TOM1: variants seen among roughly 807,000 people sequenced by gnomAD.
TOM1 encodes target of Myb protein 1.
Under a neutral mutation model 61.3 loss-of-function variants are expected in TOM1, and 38 were observed. The ratio of observed to expected loss-of-function variants is 0.62; its 90% confidence interval spans 0.48 to 0.81. The LOEUF (loss-of-function observed/expected upper bound fraction) is 0.81, where lower values mean the gene tolerates loss of function less well. TOM1 is among the 40% of genes least tolerant of loss of function. The pLI is 0.00. For missense variants in TOM1, 591 were observed against 659.6 expected, an observed-to-expected ratio of 0.90 and a Z score of 1.14; for synonymous variants, 270 against 268.8, an observed-to-expected ratio of 1.00 and a Z score of -0.04.
At chr22:35,310,762 G>T (rs1440314121) in intron 1 of TOM1, among the ~76,000 whole-genome samples, 1 of 152,228 alleles carries the variant, frequency 6.6e-6, no homozygotes, top group Non-Finnish European at 1.5e-5. Context: ...GGTCCCATCT[G>T]GGGTAGACAG....
chr22:35,313,207 T>G (rs1481160741), intron 1 of TOM1, among the ~76,000 whole-genome samples: 5 of 151,820 alleles, frequency 3.3e-5, no homozygotes, highest in Non-Finnish European at 7.4e-5. Flanking sequence ...CTTAGCCAGG[T>G]GTGTTGGCAG....
chr22:35,299,899 C>A lies in TOM1; in HGVS notation c.-30C>A. The A allele has an allele frequency of 6.4e-7, 1 of 1,572,950 alleles. No individual in the cohort carries two copies. The highest frequency in any genetic ancestry group is 2.3e-5 in the East Asian group (1 of 42,866). On this transcript the variant is annotated 5_prime_UTR_variant, in exon 1 of 15. Transcript: ENST00000449058. ...GCTGGCGGTTGCTGTCAGCTGATTC[C>A]CGGGGTTGGTGGCAGCGGCGGTAGC...
intron 2 of TOM1, among the ~76,000 whole-genome samples, chr22:35,321,501 C>T (rs1179538963): frequency 6.6e-6 from 1 of 152,044 alleles, no homozygotes; most frequent in African/African-American, 2.4e-5. Flanking sequence ...TGGGTTCAAG[C>T]GATTCTCCCG....
Position 35,323,295 on chromosome 22 carries a change from C to A in TOM1, c.366+118C>A, listed in dbSNP as rs982425336. 2.7e-6 allele frequency: 4 copies of A among 1,460,360 alleles called. No individual in the cohort carries two copies. The African/African-American group carries it at 4.3e-5, about 16-fold the overall frequency. The allele number at this position is 1,460,360 out of a possible 1,614,324, so 90.5% of individuals were successfully genotyped here. A position where few individuals can be genotyped will look rare whatever the true frequency, so the allele number is the denominator to read the frequency against. On this transcript the variant is annotated intron_variant, in intron 4 of 14. Transcript: ENST00000449058. The surrounding 1 kb of genome is among the most constrained non-coding windows in gnomAD (Gnocchi z 4.2). The stretch of plus-strand genomic sequence containing the variant: ...CCAGGCTCCGCTTCTCATTTCGGGG[C>A]GTCTCGGTTGTCGGCTGGTGGGATG...
intron 3 of TOM1, 103 bp from the exon 4 acceptor site, chr22:35,322,925 C>T (rs1023840269): frequency 5.0e-6 from 7 of 1,403,182 alleles, no homozygotes; most frequent in African/African-American, 1.4e-5. Context: ...ATCTCCTCTC[C>T]CGGGCCTCCT....
intron 2 of TOM1, among the ~76,000 whole-genome samples, chr22:35,320,487 C>G (rs1370603030): frequency 1.3e-5 from 2 of 152,106 alleles, no homozygotes; most frequent in Admixed American, 1.3e-4. Flanking sequence ...CGACCTCCCC[C>G]ACACTCAGTG....
chr22:35,342,163 G>T (rs1187547579), intron 12 of TOM1, among the ~76,000 whole-genome samples: 5 of 152,114 alleles, frequency 3.3e-5, no homozygotes, highest in African/African-American at 1.2e-4. Flanking sequence ...ACAGAATCAA[G>T]TGCCAATTGT....
chr22:35,342,857 C>G (rs142610034), intron 12 of TOM1, among the ~76,000 whole-genome samples: 266 of 147,940 alleles, frequency 1.8e-3, no homozygotes, highest in African/African-American at 6.3e-3. Context: ...CCTACACACT[C>G]ATGCACCTAC....
At chr22:35,309,772 G>GA (rs1213512579) in intron 1 of TOM1, among the ~76,000 whole-genome samples, 1 of 151,880 alleles carries the variant, frequency 6.6e-6, no homozygotes, top group Non-Finnish European at 1.5e-5. Flanking sequence ...TAACCTTCTT[G>GA]ACCACATTGG....
chr22:35,332,607 T>C (rs138787), intron 8 of TOM1, among the ~76,000 whole-genome samples: 8,270 of 31,576 alleles, frequency 0.26, 288 homozygotes, highest in Non-Finnish European at 0.3. Flanking sequence ...CACACACACA[T>C]ACACACACAC....
chr22:35,313,493 TC>T (rs1397389500), intron 1 of TOM1, among the ~76,000 whole-genome samples: 1 of 152,216 alleles, frequency 6.6e-6, no homozygotes, highest in Admixed American at 6.5e-5. Context: ...TGCTAGCCTT[TC>T]CTGATGTCAT....
At position 35,347,142 on chromosome 22, in the gene TOM1, C is replaced by T. The variant is rs765314928; in HGVS notation, c.1412C>T (p.Pro471Leu). 1 of 1,613,610 alleles carries T rather than the reference C, an allele frequency of 6.2e-7. No homozygotes were observed. The highest frequency in any genetic ancestry group is 8.5e-7 in the Non-Finnish European group (1 of 1,179,796). ...SSPSAEGPPG[P>L]PSGPAPRKKT... ...CCCTCAGCTGAGGGGCCCCCGGGTC[C>T]CCCATCTGGCCCAGCGCCCCGGAAG... Residue 471 changes from proline (P) to leucine (L), a missense_variant, in exon 15 of 15, where the codon CCC (proline) becomes CTC (leucine). By Grantham distance (98) the Pro-to-Leu change is moderately conservative. Transcript: ENST00000449058.
At chr22:35,318,109 TCTGAGCCC>T (rs1339284220) in intron 2 of TOM1, 148 bp downstream of exon 2, 2 of 695,206 alleles carry the variant, frequency 2.9e-6, no homozygotes, top group East Asian at 5.3e-5. Flanking sequence ...GCAGAGGCCA[TCTGAGCCC>T]CTAGTACCTG....
Position 35,332,714 on chromosome 22 carries a change from A to G in TOM1, c.900-267A>G, listed in dbSNP as rs149961641. On this transcript the variant is annotated intron_variant, in intron 8 of 14. Transcript: ENST00000449058. The stretch of plus-strand genomic sequence containing the variant: ...TTGCTGTTCTAACCTATTCCTGTTT[A>G]TTTGTTTCATGCTACTCATGACTAA... Among the ~76,000 whole-genome samples, 620 of 152,080 alleles carry G rather than the reference A, an allele frequency of 4.1e-3. 2 individuals carry two copies. Among genetic ancestry groups the G allele is most frequent in the African/African-American group, 0.014 (594 of 41,474 alleles).
rs899759920 is a variant in TOM1, at chr22:35,323,548, T to C, written c.419T>C (p.Ile140Thr). The C allele has an allele frequency of 6.2e-7, 1 of 1,614,104 alleles. No individual in the cohort carries two copies. The highest frequency in any genetic ancestry group is 8.5e-7 in the Non-Finnish European group (1 of 1,180,016). The change falls in exon 5 of 15, where the codon ATC (isoleucine) becomes ACC (threonine). Residue 140 changes from isoleucine (I) to threonine (T), a missense_variant. Ile to Thr is a moderately conservative substitution (Grantham distance 89). Transcript: ENST00000449058. This position sits in a 1 kb window ranked among gnomAD's most constrained non-coding sequence, Gnocchi z 4.2. ...CCCGATCTGACAGGTGTGGTCACCA[T>C]CTATGAGGACCTGCGGAGGAAAGGC... ...SSPDLTGVVT[I>T]YEDLRRKGLE...
At chr22:35,301,042 T>C (rs1489586842) in intron 1 of TOM1, among the ~76,000 whole-genome samples, 2 of 110,756 alleles carry the variant, frequency 1.8e-5, no homozygotes, top group African/African-American at 3.4e-5. Flanking sequence ...CGAGACCCCG[T>C]CTCTACAAAA....
At chr22:35,313,499 T>G (rs1052008018) in intron 1 of TOM1, among the ~76,000 whole-genome samples, 13 of 152,236 alleles carry the variant, frequency 8.5e-5, no homozygotes, top group Non-Finnish European at 1.5e-4. Context: ...CCTTTCCTGA[T>G]GTCATACTGA....
intron 6 of TOM1, among the ~76,000 whole-genome samples, chr22:35,324,131 G>A (rs1928102458): frequency 6.6e-6 from 1 of 152,212 alleles, no homozygotes; most frequent in African/African-American, 2.4e-5. Flanking sequence ...TGGGATCCAA[G>A]CTCACGTCTG....
chr22:35,332,999 A>T lies in TOM1; in HGVS notation c.918A>T (p.Thr306=). The part of the protein sequence containing the change: ...LRHERFERFR[T]GQTTKAPSEA... The stretch of plus-strand genomic sequence containing the variant: ...CTTGTAGGTTTGAACGGTTCCGAAC[A>T]GGCCAGACCACCAAGGTAAAAGTCT... The change falls in exon 9 of 15, where the codon ACA becomes ACT. Residue 306 remains threonine (T), a synonymous_variant. Transcript: ENST00000449058. 6.2e-7 allele frequency: 1 copy of T among 1,614,210 alleles called. No homozygotes were observed. The highest frequency in any genetic ancestry group is 1.3e-5 in the African/African-American group (1 of 75,058).
Sources: allele counts gnomAD v4.1 joint callset (sites outside exome capture counted in the v4.1 genomes callset), GRCh38; gene constraint gnomAD v4.1.1; non-coding constraint Gnocchi (gnomAD v3.1); transcripts MANE v1.5; gene names NCBI Gene and HGNC (gene_info 2026-07-23, HGNC 2026-07-21).